The following DYNC1I1 variants were observed in gnomAD, a reference collection of about 807,000 sequenced individuals.
DYNC1I1 encodes cytoplasmic dynein 1 intermediate chain 1.
A neutral mutation model predicts 86.6 loss-of-function variants in DYNC1I1; 43 were observed. That is an observed-to-expected ratio of 0.50 (90% confidence interval 0.39 to 0.64). The LOEUF is 0.64. DYNC1I1 is among the 30% of genes least tolerant of loss of function. The probability of loss-of-function intolerance (pLI) is 0.00; values close to 1 mark genes in which losing one functional copy is unlikely to be tolerated. For synonymous variants in DYNC1I1, 262 were observed against 283.7 expected (o/e 0.92, Z 0.77); for missense variants, 604 against 788.8 (o/e 0.77, Z 2.81).
intron 1 of DYNC1I1, among the ~76,000 whole-genome samples, chr7:95,801,015 T>C (rs888839684): frequency 2.6e-5 from 4 of 152,248 alleles, no homozygotes; most frequent in Admixed American, 6.5e-5. Flanking sequence ...CATTTTACTA[T>C]GTGTAAAGTC....
Position 96,014,219 on chromosome 7 carries a change from C to T in DYNC1I1, c.970-13956C>T, listed in dbSNP as rs367575247. 2.7e-4 allele frequency among the ~76,000 whole-genome samples: 41 copies of T among 152,346 alleles called. No homozygotes were observed. The South Asian group carries it at 8.3e-3, about 31-fold the overall frequency. Reference sequence around the variant, plus strand: ...AGGGAAGATGGCCTGTTCTCTCAGGCAGTGGCCCTTAACTTAATTGAAGAA... The same window carrying T: ...AGGGAAGATGGCCTGTTCTCTCAGGTAGTGGCCCTTAACTTAATTGAAGAA... On this transcript the variant is annotated intron_variant, in intron 10 of 16. Coordinates refer to ENST00000447467, the MANE Select transcript of DYNC1I1 (RefSeq NM_001135556.2).
Position 95,984,855 on chromosome 7 carries a change from C to A in DYNC1I1, c.621C>A (p.Ile207=). ...TGACAGAGGAAGAAAAACAGCAGAT[C>A]CTTCATTCAGAGGAATTTCTCATCT... ...RELTEEEKQQ[I]LHSEEFLIFF... The change falls in exon 8 of 17, where the codon ATC becomes ATA. Residue 207 remains isoleucine, a synonymous_variant. Coordinates refer to ENST00000447467, the MANE Select transcript of DYNC1I1 (RefSeq NM_001135556.2). 1 of 1,612,744 alleles carries A rather than the reference C, an allele frequency of 6.2e-7. No individual in the cohort carries two copies. The highest frequency in any genetic ancestry group is 8.5e-7 in the Non-Finnish European group (1 of 1,179,456).
At chr7:96,048,857 T>G (rs78630288) in intron 14 of DYNC1I1, among the ~76,000 whole-genome samples, 4,235 of 152,304 alleles carry the variant, frequency 0.028, 187 homozygotes, top group African/African-American at 0.096. Context: ...ACCCTTTATG[T>G]TGTCCTAAAC....
intron 5 of DYNC1I1, among the ~76,000 whole-genome samples, chr7:95,864,878 TA>T (rs1435586854): frequency 5.9e-5 from 9 of 152,124 alleles, no homozygotes; most frequent in Admixed American, 5.9e-4. Flanking sequence ...CAGGTCTGCC[TA>T]AACAATGAAG....
chr7:95,944,697 A>G (rs1209522665), intron 6 of DYNC1I1, among the ~76,000 whole-genome samples: 3 of 152,214 alleles, frequency 2.0e-5, no homozygotes, highest in Non-Finnish European at 2.9e-5. Flanking sequence ...TGCAGCCATA[A>G]AAATGATGAG....
chr7:95,948,948 T>C (rs2116472907), intron 6 of DYNC1I1, among the ~76,000 whole-genome samples: 1 of 152,294 alleles, frequency 6.6e-6, no homozygotes, highest in South Asian at 2.1e-4. Context: ...GATGATGTTG[T>C]AATTTCATTT....
intron 6 of DYNC1I1, among the ~76,000 whole-genome samples, chr7:95,876,947 A>T (rs1003109838): frequency 6.6e-6 from 1 of 152,232 alleles, no homozygotes; most frequent in Non-Finnish European, 1.5e-5. Context: ...GCAAGTAAAA[A>T]AAAGAAAAAA....
chr7:95,801,641 T>G (rs1041234078), intron 1 of DYNC1I1, among the ~76,000 whole-genome samples: 2 of 152,206 alleles, frequency 1.3e-5, no homozygotes, highest in Non-Finnish European at 2.9e-5. Flanking sequence ...AAACAGCTAT[T>G]GCTTTAACAG....
chr7:96,072,331 AG>A (rs1790195366), intron 14 of DYNC1I1, among the ~76,000 whole-genome samples: 1 of 152,218 alleles, frequency 6.6e-6, no homozygotes, highest in African/African-American at 2.4e-5. Context: ...CCACACGTGC[AG>A]TAGGCCGTGT....
intron 1 of DYNC1I1, among the ~76,000 whole-genome samples, chr7:95,796,276 C>T (rs1562896255): frequency 6.6e-6 from 1 of 152,056 alleles, no homozygotes; most frequent in Non-Finnish European, 1.5e-5. Flanking sequence ...AAATCTTTCA[C>T]ACATTGTTCT....
At chr7:96,002,117 A>G (rs193069684) in intron 10 of DYNC1I1, among the ~76,000 whole-genome samples, 1 of 152,234 alleles carries the variant, frequency 6.6e-6, no homozygotes, top group East Asian at 1.9e-4. Flanking sequence ...AGGCCCTCAC[A>G]GCAGTGATAG....
At chr7:95,968,717 A>G (rs572179894) in intron 6 of DYNC1I1, among the ~76,000 whole-genome samples, 1 of 152,338 alleles carries the variant, frequency 6.6e-6, no homozygotes, top group African/African-American at 2.4e-5. Context: ...ATTGTCTAAA[A>G]GCGGAAGTAG....
In DYNC1I1 at chr7:96,030,975, C is replaced by T. The variant is rs569306845; in HGVS notation, c.1117-1692C>T. On this transcript the variant is annotated intron_variant, in intron 11 of 16. Transcript: ENST00000447467. The stretch of plus-strand genomic sequence containing the variant: ...CTATGTGCAGATCCACTAAGGCTGA[C>T]TCATTTGGAAGTTTCAGTAGGGACA... Among the ~76,000 whole-genome samples the T allele has an allele frequency of 5.3e-5, 8 of 152,196 alleles. No individual in the cohort carries two copies. The East Asian group carries it at 1.5e-3, about 29-fold the overall frequency.
intron 10 of DYNC1I1, among the ~76,000 whole-genome samples, chr7:96,017,495 T>G (rs569793551): frequency 1.3e-5 from 2 of 152,180 alleles, no homozygotes; most frequent in Non-Finnish European, 2.9e-5. Context: ...TGTCAGATAT[T>G]GATATTTTTT....
At chr7:96,016,750 C>T (rs1794411704) in intron 10 of DYNC1I1, among the ~76,000 whole-genome samples, 1 of 152,116 alleles carries the variant, frequency 6.6e-6, no homozygotes, top group Non-Finnish European at 1.5e-5. Context: ...CATGCTTGCT[C>T]TGTCAAGAAA....
chr7:95,806,054 C>A (rs775226125), intron 2 of DYNC1I1, among the ~76,000 whole-genome samples: 1 of 152,120 alleles, frequency 6.6e-6, no homozygotes. Flanking sequence ...TGTTTTTTCC[C>A]TTTGAGATCT....
chr7:95,959,697 A>G (rs895116813), intron 6 of DYNC1I1, among the ~76,000 whole-genome samples: 1 of 152,184 alleles, frequency 6.6e-6, no homozygotes, highest in Non-Finnish European at 1.5e-5. Flanking sequence ...TTACAACTAC[A>G]TGAACTTTCT....
At chr7:96,107,571 G>A (rs1275439573) in intron 16 of DYNC1I1, among the ~76,000 whole-genome samples, 1 of 138,648 alleles carries the variant, frequency 7.2e-6, no homozygotes, top group African/African-American at 2.7e-5. Flanking sequence ...TTGCTCTATT[G>A]CCCAGGCTAG....
intron 16 of DYNC1I1, among the ~76,000 whole-genome samples, chr7:96,087,047 T>C (rs1790702445): frequency 6.6e-6 from 1 of 151,384 alleles, no homozygotes; most frequent in Admixed American, 6.6e-5. Context: ...CTAAAAAGGG[T>C]TTGAGTAACA....
Sources: gnomAD v4.1 joint callset for allele counts (sites outside exome capture counted in the v4.1 genomes callset) on GRCh38, gnomAD v4.1.1 for gene constraint, MANE v1.5 for transcripts, NCBI Gene and HGNC (gene_info 2026-07-23, HGNC 2026-07-21) for gene names.